Variants in MTMR6 observed in about 807,000 individuals in gnomAD.
MTMR6 encodes the protein myotubularin related protein 6.
In MTMR6, 47 loss-of-function variants were observed where a neutral mutation model predicts 80.1. The observed-to-expected ratio is 0.59, with a 90% CI of 0.46 to 0.75. The LOEUF is 0.75. MTMR6 is among the 30% of genes least tolerant of loss of function. The pLI, the probability that MTMR6 is intolerant of heterozygous loss-of-function variation, is 0.00. For synonymous variants in MTMR6, 254 were observed against 253.0 expected (o/e 1.00, Z -0.04); for missense variants, 629 against 730.9 (o/e 0.86, Z 1.61).
Position 25,247,367 on chromosome 13 carries a change from G to A in MTMR6, c.*1865C>T, listed in dbSNP as rs1290432975. 6.6e-6 allele frequency: 1 copy of A among 152,556 alleles called. No individual in the cohort carries two copies. Among genetic ancestry groups the A allele is most frequent in the Non-Finnish European group, 1.5e-5 (1 of 68,002 alleles). The allele number at this position is 152,556 out of a possible 1,614,324, so 9.5% of individuals were successfully genotyped here. ...ACTGAACATAAATTCAACTTTATAAGACATATACACAGTCTGCTTTTGCCA... is the reference window on the plus strand; with the variant it reads ...ACTGAACATAAATTCAACTTTATAAAACATATACACAGTCTGCTTTTGCCA... On this transcript the variant is annotated 3_prime_UTR_variant, in exon 14 of 14. Transcript: ENST00000381801.
chr13:25,259,995 G>A (rs564776779), intron 6 of MTMR6, among the ~76,000 whole-genome samples: 2 of 151,910 alleles, frequency 1.3e-5, no homozygotes, highest in East Asian at 3.9e-4. Flanking sequence ...CCAAGTAGCT[G>A]GGATTACAGG....
chr13:25,251,492 C>T lies in MTMR6; in HGVS notation c.1605+157G>A, dbSNP rs1407635339. 6.6e-6 allele frequency among the ~76,000 whole-genome samples: 1 copy of T among 152,096 alleles called. No homozygotes were observed. Among genetic ancestry groups the T allele is most frequent in the Non-Finnish European group, 1.5e-5 (1 of 68,022 alleles). Reference sequence around the variant, plus strand: ...ATTTTAAAATACAAAGAAAGTGATTCGAACTAACGTATTCAATCAAAGTAG... The same window carrying T: ...ATTTTAAAATACAAAGAAAGTGATTTGAACTAACGTATTCAATCAAAGTAG... On this transcript the variant is annotated intron_variant, in intron 13 of 13. Coordinates refer to ENST00000381801, the MANE Select transcript of MTMR6 (RefSeq NM_004685.5). The surrounding 1 kb of genome is among the most constrained non-coding windows in gnomAD (Gnocchi z 4.1).
At chr13:25,281,595 G>T (rs118002909) in intron 1 of MTMR6, among the ~76,000 whole-genome samples, 6 of 152,246 alleles carry the variant, frequency 3.9e-5, no homozygotes, top group Non-Finnish European at 5.9e-5. Context: ...ACCAACAGTT[G>T]TACTTATTCT....
intron 1 of MTMR6, among the ~76,000 whole-genome samples, chr13:25,284,758 G>A (rs544510109): frequency 6.6e-6 from 1 of 152,266 alleles, no homozygotes; most frequent in African/African-American, 2.4e-5. Context: ...TCTTTTAAAA[G>A]TAAGTTATTT....
chr13:25,274,986 A>G (rs1273238371), intron 1 of MTMR6, among the ~76,000 whole-genome samples: 2 of 148,042 alleles, frequency 1.4e-5, no homozygotes, highest in Admixed American at 1.3e-4. Flanking sequence ...ACACACACAC[A>G]CACACACACA....
In MTMR6 at chr13:25,251,775, C is replaced by T; in HGVS notation, c.1479G>A (p.Lys493=). The T allele has an allele frequency of 6.2e-7, 1 of 1,606,770 alleles. No homozygotes were observed. Among genetic ancestry groups the T allele is most frequent in the South Asian group, 1.1e-5 (1 of 89,254 alleles). The change falls in exon 13 of 14, where the codon AAG becomes AAA. Residue 493 remains lysine (K), a splice_region_variant and synonymous_variant. Transcript: ENST00000381801. The surrounding 1 kb of genome is among the most constrained non-coding windows in gnomAD (Gnocchi z 4.1). The part of the protein sequence containing the change: ...LEPNTVSFNF[K]FWRNMYHQFD... Reference sequence around the variant, plus strand: ...ATTGATGGTACATGTTCCTCCAAAACCTTTATGACAAAAAAAAGTTTCAAT... The same window carrying T: ...ATTGATGGTACATGTTCCTCCAAAATCTTTATGACAAAAAAAAGTTTCAAT...
chr13:25,265,686 G>C, intron 5 of MTMR6, 133 bp downstream of exon 5: 1 of 973,670 alleles, frequency 1.0e-6, no homozygotes, highest in Non-Finnish European at 1.5e-6. Flanking sequence ...GAGCCAAGAT[G>C]GTGCCACTGC....
Position 25,257,195 on chromosome 13 carries a change from C to A in MTMR6, c.1095+1G>T. 6.2e-7 allele frequency: 1 copy of A among 1,612,602 alleles called. No individual in the cohort carries two copies. Among genetic ancestry groups the A allele is most frequent in the Non-Finnish European group, 8.5e-7 (1 of 1,179,226 alleles). On this transcript the variant is annotated splice_donor_variant, in intron 9 of 13. Coordinates refer to ENST00000381801, the MANE Select transcript of MTMR6 (RefSeq NM_004685.5). LOFTEE classifies it high-confidence loss of function. ...ATTGGTCTAACCAAATAAATCCTTA[C>A]CATGAATCCTTTGATTGTCCTGTAG...
intron 4 of MTMR6, 78 bp from the exon 5 acceptor site, chr13:25,266,025 G>A: frequency 6.3e-7 from 1 of 1,592,506 alleles, no homozygotes; most frequent in South Asian, 1.1e-5. Flanking sequence ...CTTATTAAAT[G>A]CAAGAACAGC....
intron 1 of MTMR6, among the ~76,000 whole-genome samples, chr13:25,281,696 A>C (rs550242540): frequency 2.6e-5 from 4 of 152,298 alleles, no homozygotes; most frequent in African/African-American, 9.6e-5. Flanking sequence ...CCCTATAGCC[A>C]GGCACTCATC....
At chr13:25,260,119 T>C (rs1332012908) in intron 6 of MTMR6, among the ~76,000 whole-genome samples, 1 of 152,056 alleles carries the variant, frequency 6.6e-6, no homozygotes, top group East Asian at 1.9e-4. Flanking sequence ...CACCTTAGCC[T>C]TCCAAAGTGC....
At chr13:25,264,301 A>G in intron 5 of MTMR6, among the ~76,000 whole-genome samples, 1 of 152,142 alleles carries the variant, frequency 6.6e-6, no homozygotes, top group Admixed American at 6.5e-5. Flanking sequence ...AAGTTTTTAA[A>G]AAAGTAGAAG....
At chr13:25,278,084 G>A (rs1957764704) in intron 1 of MTMR6, among the ~76,000 whole-genome samples, 1 of 152,202 alleles carries the variant, frequency 6.6e-6, no homozygotes, top group Non-Finnish European at 1.5e-5. Context: ...AGGAGATGGA[G>A]ACTAAGAATC....
chr13:25,260,575 C>T (rs761708864), intron 6 of MTMR6: 11 of 1,275,852 alleles, frequency 8.6e-6, no homozygotes, highest in Admixed American at 7.2e-5. Flanking sequence ...ATTGCTCACT[C>T]GCTTTTTCTC....
intron 2 of MTMR6, among the ~76,000 whole-genome samples, chr13:25,269,787 G>C (rs1190101423): frequency 6.6e-6 from 1 of 151,918 alleles, no homozygotes; most frequent in Non-Finnish European, 1.5e-5. Context: ...GTTGTCAATG[G>C]AAATTAAAAC....
intron 1 of MTMR6, among the ~76,000 whole-genome samples, chr13:25,286,483 C>A (rs1957956120): frequency 6.6e-6 from 1 of 152,198 alleles, no homozygotes; most frequent in South Asian, 2.1e-4. Flanking sequence ...ATTCTGATGT[C>A]ATTTCCTTCC....
At position 25,267,363 on chromosome 13, in the gene MTMR6, C is replaced by T. The variant is rs187253426; in HGVS notation, c.304+416G>A. Reference sequence around the variant, plus strand: ...CTGCTTATCTTCTGTATCTCCCACTCAAATCTATTAAATATTTTAGTCCCA... The same window carrying T: ...CTGCTTATCTTCTGTATCTCCCACTTAAATCTATTAAATATTTTAGTCCCA... On this transcript the variant is annotated intron_variant, in intron 3 of 13. Transcript: ENST00000381801. Among the ~76,000 whole-genome samples, 87 of 152,158 alleles carry T rather than the reference C, an allele frequency of 5.7e-4. 1 individual carries two copies. The highest frequency in any genetic ancestry group is 1.8e-3 in the African/African-American group (76 of 41,540).
chr13:25,261,733 G>A lies in MTMR6; in HGVS notation c.661C>T (p.Leu221Phe). The change falls in exon 6 of 14, where the codon CTT (leucine) becomes TTT (phenylalanine). Residue 221 changes from leucine to phenylalanine, a missense_variant. By Grantham distance (22) the Leu-to-Phe change is conservative (BLOSUM62 0). Coordinates refer to ENST00000381801, the MANE Select transcript of MTMR6 (RefSeq NM_004685.5). The stretch of plus-strand genomic sequence containing the variant: ...GGATTGGCTTTACTAATGGCTTGAA[G>A]CAAATGTTCATCCTCCAGGCACCTG... ...SARCLEDEHL[L>F]QAISKANPVN... is the part of the protein sequence containing the mutation. 6.2e-7 allele frequency: 1 copy of A among 1,613,858 alleles called. No homozygotes were observed. The highest frequency in any genetic ancestry group is 8.5e-7 in the Non-Finnish European group (1 of 1,179,820).
chr13:25,287,208 TC>T lies in MTMR6; in HGVS notation c.24+15del. Reference sequence around the variant, plus strand: ...GAGCAGGGCCCCTGAAGACTGGCGATCCCGCGCCCGACTACCTTGGTCGTCC... The same window carrying T: ...GAGCAGGGCCCCTGAAGACTGGCGATCCGCGCCCGACTACCTTGGTCGTCC... On this transcript the variant is annotated intron_variant, in intron 1 of 13. Transcript: ENST00000381801. 1 of 1,594,116 alleles carries T rather than the reference TC, an allele frequency of 6.3e-7. No individual in the cohort carries two copies. Among genetic ancestry groups the T allele is most frequent in the Non-Finnish European group, 8.5e-7 (1 of 1,173,602 alleles).
Sources: allele counts gnomAD v4.1 joint callset (sites outside exome capture counted in the v4.1 genomes callset), GRCh38; gene constraint gnomAD v4.1.1; non-coding constraint Gnocchi (gnomAD v3.1); transcripts MANE v1.5; gene names NCBI Gene and HGNC (gene_info 2026-07-23, HGNC 2026-07-21).